The following MMP26 variants were observed in gnomAD, a reference collection of about 807,000 sequenced individuals.
MMP26 encodes the protein matrix metalloproteinase-26.
MMP26 carries 33 observed loss-of-function variants against 31.0 expected under a neutral mutation model. The ratio of observed to expected loss-of-function variants is 1.06; its 90% CI spans 0.81 to 1.42. MMP26 has a LOEUF of 1.42. MMP26 is among the 40% of genes most tolerant of loss of function. The probability of loss-of-function intolerance (pLI) is 0.00; values close to 1 mark genes in which losing one functional copy is unlikely to be tolerated. For missense variants in MMP26, 347 were observed against 316.1 expected (o/e 1.10, Z -0.74); for synonymous variants, 122 against 114.9 (o/e 1.06, Z -0.40).
intron 1 of MMP26, among the ~76,000 whole-genome samples, chr11:4,757,611 AC>A (rs1335294497): frequency 1.3e-5 from 2 of 152,104 alleles, no homozygotes; most frequent in Admixed American, 6.5e-5. Context: ...AAAGAGACAA[AC>A]AATCCAATTA....
At chr11:4,876,394 C>T (rs1301881840) in intron 2 of MMP26, 1 of 152,102 alleles carries the variant, frequency 6.6e-6, no homozygotes, top group Non-Finnish European at 1.5e-5. Flanking sequence ...GAAGCAGGGG[C>T]TACTGGTTTC....
intron 2 of MMP26, among the ~76,000 whole-genome samples, chr11:4,872,374 C>T (rs1850322080): frequency 6.6e-6 from 1 of 151,984 alleles, no homozygotes; most frequent in Admixed American, 6.6e-5. Context: ...TTTCCTTCTC[C>T]TTTTCATTAA....
At chr11:4,739,639 G>T (rs1848286313) in intron 1 of MMP26, among the ~76,000 whole-genome samples, 2 of 152,060 alleles carry the variant, frequency 1.3e-5, no homozygotes, top group South Asian at 4.1e-4. Flanking sequence ...TCCTTCACTA[G>T]TGAAATATTC....
chr11:4,961,513 A>C (rs190646534), intron 2 of MMP26, among the ~76,000 whole-genome samples: 3 of 152,226 alleles, frequency 2.0e-5, no homozygotes, highest in Admixed American at 2.0e-4. Flanking sequence ...GACACCTAAA[A>C]TTAAGTCCAC....
At chr11:4,769,369 A>T in intron 2 of MMP26, 1 of 1,614,040 alleles carries the variant, frequency 6.2e-7, no homozygotes, top group Non-Finnish European at 8.5e-7. Context: ...TCACATCTGG[A>T]TGGTAACAAT....
intron 2 of MMP26, among the ~76,000 whole-genome samples, chr11:4,885,030 CTG>C (rs568008936): frequency 3.6e-4 from 55 of 152,148 alleles, no homozygotes; most frequent in African/African-American, 1.3e-3. Flanking sequence ...AAGCAGTCTG[CTG>C]TGTGTATTAA....
intron 1 of MMP26, among the ~76,000 whole-genome samples, chr11:4,755,286 A>G (rs1255718184): frequency 6.6e-6 from 1 of 152,064 alleles, no homozygotes; most frequent in Non-Finnish European, 1.5e-5. Flanking sequence ...TGGATATTCT[A>G]AATCCAGAAA....
chr11:4,989,409 T>TA (rs1846958643), intron 3 of MMP26, among the ~76,000 whole-genome samples: 2 of 152,162 alleles, frequency 1.3e-5, no homozygotes, highest in Non-Finnish European at 2.9e-5. Context: ...CTTTTTCTTT[T>TA]AAAAAAATGT....
intron 1 of MMP26, among the ~76,000 whole-genome samples, chr11:4,757,202 A>C (rs893732532): frequency 6.6e-6 from 1 of 151,760 alleles, no homozygotes; most frequent in South Asian, 2.1e-4. Context: ...TTTGTAATAA[A>C]GGTGTCAAGA....
intron 2 of MMP26, among the ~76,000 whole-genome samples, chr11:4,785,991 CTTTA>C (rs1453679405): frequency 6.6e-6 from 1 of 152,124 alleles, no homozygotes; most frequent in African/African-American, 2.4e-5. Context: ...GCAAAACATG[CTTTA>C]TTTATTTATT....
intron 1 of MMP26, chr11:4,719,492 A>C (rs901201456): frequency 3.2e-5 from 5 of 153,848 alleles, no homozygotes; most frequent in African/African-American, 9.6e-5. Flanking sequence ...CCCATCATCT[A>C]CAGTGTGAAG....
At chr11:4,766,715 C>CCCTTCCTCCCTT (rs1554931060) in intron 1 of MMP26, among the ~76,000 whole-genome samples, 1 of 113,892 alleles carries the variant, frequency 8.8e-6, no homozygotes, top group African/African-American at 3.9e-5. Context: ...CTCCCTCCCT[C>CCCTTCCTCCCTT]CCTTCCTTCC....
Position 4,902,529 on chromosome 11 carries a change from T to C in MMP26, c.-144-85539T>C, listed in dbSNP as rs375685150. 3.9e-4 allele frequency among the ~76,000 whole-genome samples: 60 copies of C among 152,314 alleles called. 1 individual carries two copies. The East Asian group carries it at 7.9e-3, about 20-fold the overall frequency. ...CTTTATCCAACCTTCTGTTGGCACC[T>C]GGGTTGGTTTCATGTCTTTGCTATT... On this transcript the variant is annotated intron_variant, in intron 2 of 7. Transcript: ENST00000380390.
chr11:4,915,721 GCAGTA>G, intron 2 of MMP26: 2 of 1,214,158 alleles, frequency 1.6e-6, no homozygotes, highest in South Asian at 2.7e-5. Context: ...GTAAATTGAG[GCAGTA>G]CTGGTGATTG....
At chr11:4,796,723 C>A (rs1849112357) in intron 2 of MMP26, among the ~76,000 whole-genome samples, 1 of 152,116 alleles carries the variant, frequency 6.6e-6, no homozygotes, top group Non-Finnish European at 1.5e-5. Context: ...TCCAGTCACA[C>A]ACTGAGTAAA....
At chr11:4,791,729 T>C (rs1007953198) in intron 2 of MMP26, among the ~76,000 whole-genome samples, 3 of 152,256 alleles carry the variant, frequency 2.0e-5, no homozygotes, top group South Asian at 2.1e-4. Context: ...AAATAATATA[T>C]AATGAATTGA....
At chr11:4,926,391 G>C (rs1345823315) in intron 2 of MMP26, among the ~76,000 whole-genome samples, 3 of 152,174 alleles carry the variant, frequency 2.0e-5, no homozygotes, top group East Asian at 1.9e-4. Flanking sequence ...ATGGGAGAGA[G>C]AGCATTCATT....
intron 2 of MMP26, among the ~76,000 whole-genome samples, chr11:4,960,177 A>G (rs1589951360): frequency 6.6e-6 from 1 of 152,190 alleles, no homozygotes. Flanking sequence ...TGTTGAACAG[A>G]AAGAAAATTC....
chr11:4,977,604 T>A (rs547145778), intron 2 of MMP26, among the ~76,000 whole-genome samples: 1 of 152,220 alleles, frequency 6.6e-6, no homozygotes, highest in African/African-American at 2.4e-5. Context: ...TCACTGAGCA[T>A]CAGCTGCAGT....
Sources: allele counts gnomAD v4.1 joint callset (sites outside exome capture counted in the v4.1 genomes callset), GRCh38; gene constraint gnomAD v4.1.1; transcripts MANE v1.5; gene names NCBI Gene and HGNC (gene_info 2026-07-23, HGNC 2026-07-21).